Variants in RPS6KC1 observed in about 807,000 individuals in gnomAD.
The protein encoded by RPS6KC1 is ribosomal protein S6 kinase C1.
RPS6KC1 carries 54 observed loss-of-function variants against 103.8 expected under a neutral mutation model. The observed-to-expected ratio is 0.52, with a 90% CI of 0.42 to 0.65. The LOEUF (loss-of-function observed/expected upper bound fraction) is 0.65. RPS6KC1 is among the 30% of genes least tolerant of loss of function. The pLI is 0.00. For missense variants in RPS6KC1, 1,151 were observed against 1,253.8 expected (o/e 0.92, Z 1.24); for synonymous variants, 439 against 438.7 (o/e 1.00, Z -0.01).
chr1:213,707,977 A>C, the RPS6KC1 span, among the ~76,000 whole-genome samples: 1 of 152,188 alleles, frequency 6.6e-6, no homozygotes, highest in African/African-American at 2.4e-5. Flanking sequence ...AGGTAGCATG[A>C]TGCCTCCAAG....
the RPS6KC1 span, among the ~76,000 whole-genome samples, chr1:213,543,261 G>T: frequency 1.3e-5 from 2 of 152,222 alleles, no homozygotes; most frequent in African/African-American, 2.4e-5. Context: ...AGGTGTGATG[G>T]TATCACTGAG....
the RPS6KC1 span, among the ~76,000 whole-genome samples, chr1:213,454,189 CTCTA>C: frequency 2.0e-5 from 3 of 152,030 alleles, no homozygotes; most frequent in Admixed American, 6.6e-5. Context: ...CAAGGGTCAA[CTCTA>C]TCTTAGAGTC....
the RPS6KC1 span, among the ~76,000 whole-genome samples, chr1:213,552,299 G>C: frequency 6.6e-6 from 1 of 152,210 alleles, no homozygotes; most frequent in Non-Finnish European, 1.5e-5. Flanking sequence ...CTGACAGACT[G>C]TCTCCAAAGT....
At position 213,241,310 on chromosome 1, in the gene RPS6KC1, C is replaced by T; in HGVS notation, c.1834C>T (p.Leu612Phe). ...AGACAGTAAGGATAGCGCAAGTGAA[C>T]TCCTGGGACTTGACTTTGGAGAAAA... ...RIDSKDSASE[L>F]LGLDFGEKLY... The change falls in exon 11 of 15, where the codon CTC becomes TTC. Residue 612 changes from leucine to phenylalanine, a missense_variant. By Grantham distance (22) the Leu-to-Phe change is conservative. Transcript: ENST00000366960. The T allele has an allele frequency of 1.2e-6, 2 of 1,613,988 alleles. No homozygotes were observed. Among genetic ancestry groups the T allele is most frequent in the Non-Finnish European group, 1.7e-6 (2 of 1,179,946 alleles).
chr1:213,651,948 T>C, the RPS6KC1 span, among the ~76,000 whole-genome samples: 1 of 152,204 alleles, frequency 6.6e-6, no homozygotes, highest in Non-Finnish European at 1.5e-5. Flanking sequence ...TCACAGTCAC[T>C]TCTCAGAGAT....
chr1:213,608,235 C>T, the RPS6KC1 span, among the ~76,000 whole-genome samples: 2 of 152,108 alleles, frequency 1.3e-5, no homozygotes, highest in Non-Finnish European at 2.9e-5. Context: ...GGTGACGGTG[C>T]CCCGGGGTTC....
At chr1:213,716,541 A>G in the RPS6KC1 span, among the ~76,000 whole-genome samples, 1 of 152,338 alleles carries the variant, frequency 6.6e-6, no homozygotes, top group African/African-American at 2.4e-5. Context: ...ATACTTTGAC[A>G]TAATTTTAGT....
the RPS6KC1 span, among the ~76,000 whole-genome samples, chr1:213,667,176 G>A: frequency 2.6e-5 from 4 of 151,630 alleles, no homozygotes; most frequent in Admixed American, 1.3e-4. Flanking sequence ...TACATATTGA[G>A]TAAAATACAA....
At chr1:213,469,722 A>C in the RPS6KC1 span, among the ~76,000 whole-genome samples, 1 of 152,200 alleles carries the variant, frequency 6.6e-6, no homozygotes, top group Non-Finnish European at 1.5e-5. Context: ...TTAGTTTTAA[A>C]AATCACATAA....
At chr1:213,419,752 T>C in the RPS6KC1 span, among the ~76,000 whole-genome samples, 1 of 152,130 alleles carries the variant, frequency 6.6e-6, no homozygotes, top group Non-Finnish European at 1.5e-5. Context: ...TGGCTGGCTT[T>C]GTGGAATGCT....
At chr1:213,095,481 C>T (rs1275366491) in intron 3 of RPS6KC1, among the ~76,000 whole-genome samples, 5 of 152,140 alleles carry the variant, frequency 3.3e-5, no homozygotes, top group Non-Finnish European at 5.9e-5. Context: ...ATAAATCAAA[C>T]AGAGAGGCTT....
intron 12 of RPS6KC1, among the ~76,000 whole-genome samples, chr1:213,253,876 T>C (rs1216802908): frequency 6.6e-6 from 1 of 152,166 alleles, no homozygotes; most frequent in Non-Finnish European, 1.5e-5. Context: ...AAGCTTATTA[T>C]AGTTGCAGTT....
chr1:213,676,673 G>A, the RPS6KC1 span, among the ~76,000 whole-genome samples: 5 of 152,150 alleles, frequency 3.3e-5, no homozygotes, highest in Non-Finnish European at 4.4e-5. Flanking sequence ...TTTTGAATGA[G>A]GGCAACAAAT....
At chr1:213,436,379 A>G in the RPS6KC1 span, among the ~76,000 whole-genome samples, 1 of 147,222 alleles carries the variant, frequency 6.8e-6, no homozygotes, top group African/African-American at 2.7e-5. Context: ...TGATAGAATT[A>G]TAATTTATTT....
At chr1:213,589,938 G>GGGGGGTGTGTGT in the RPS6KC1 span, among the ~76,000 whole-genome samples, 2 of 132,732 alleles carry the variant, frequency 1.5e-5, no homozygotes, top group African/African-American at 6.3e-5. Context: ...AAAAGGTAGT[G>GGGGGGTGTGTGT]GTGTGTGTGT....
the RPS6KC1 span, among the ~76,000 whole-genome samples, chr1:213,721,820 A>G: frequency 6.6e-6 from 1 of 152,000 alleles, no homozygotes; most frequent in Non-Finnish European, 1.5e-5. Flanking sequence ...GGAATTCTCA[A>G]TCTCTCTCTT....
At chr1:213,597,730 C>T in the RPS6KC1 span, among the ~76,000 whole-genome samples, 27 of 152,160 alleles carry the variant, frequency 1.8e-4, 1 homozygote, top group African/African-American at 6.3e-4. Flanking sequence ...GTCTGTGTCA[C>T]CTGGCCTTGC....
At chr1:213,558,697 G>C in the RPS6KC1 span, among the ~76,000 whole-genome samples, 1 of 152,208 alleles carries the variant, frequency 6.6e-6, no homozygotes, top group Non-Finnish European at 1.5e-5. Flanking sequence ...TCCATACATA[G>C]TGGACTGTAC....
intron 8 of RPS6KC1, among the ~76,000 whole-genome samples, chr1:213,188,051 C>T (rs376048228): frequency 6.6e-6 from 1 of 152,080 alleles, no homozygotes; most frequent in Non-Finnish European, 1.5e-5. Flanking sequence ...GTCCATACCT[C>T]TTCTGCTGAG....
Sources: allele counts gnomAD v4.1 joint callset (sites outside exome capture counted in the v4.1 genomes callset), GRCh38; gene constraint gnomAD v4.1.1; transcripts MANE v1.5; gene names NCBI Gene and HGNC (gene_info 2026-07-23, HGNC 2026-07-21).